The following EYS variants were observed in gnomAD, a reference collection of about 807,000 sequenced individuals.
EYS encodes protein eyes shut homolog.
EYS carries 250 observed loss-of-function variants against 282.1 expected under a neutral mutation model. That is an observed-to-expected ratio of 0.89 (90% confidence interval 0.80 to 0.98). The LOEUF (loss-of-function observed/expected upper bound fraction) is 0.98. Ranked by LOEUF, EYS falls within the 50% of genes least tolerant of loss-of-function variation. EYS has a pLI of 0.00. For missense variants in EYS, 4,016 were observed against 3,709.0 expected (o/e 1.08, Z -2.15); for synonymous variants, 1,355 against 1,282.9 (o/e 1.06, Z -1.20).
At chr6:63,813,751 A>G (rs918306491) in intron 36 of EYS, among the ~76,000 whole-genome samples, 1 of 152,066 alleles carries the variant, frequency 6.6e-6, no homozygotes, top group Non-Finnish European at 1.5e-5. Context: ...TGAAAATCCA[A>G]TTCAGTTCTT....
At chr6:64,150,928 C>T (rs1167977399) in intron 31 of EYS, among the ~76,000 whole-genome samples, 1 of 152,086 alleles carries the variant, frequency 6.6e-6, no homozygotes, top group Non-Finnish European at 1.5e-5. Flanking sequence ...TTGTCATCTT[C>T]ATACTTTTTA....
chr6:64,128,326 CAT>C lies in EYS; in HGVS notation c.6425-46326_6425-46325del, dbSNP rs200226244. Among the ~76,000 whole-genome samples the C allele has an allele frequency of 7.3e-3, 1,106 of 152,232 alleles. 22 individuals carry two copies. Among genetic ancestry groups the C allele is most frequent in the African/African-American group, 0.024 (1,017 of 41,534 alleles). On this transcript the variant is annotated intron_variant, in intron 31 of 42. Transcript: ENST00000503581. ...ATGCTGTGAATATTTAGCCCTAAAG[CAT>C]ACCATGAACTTTCTAAAATGGAGCA...
At chr6:65,393,279 A>C (rs1766130345) in intron 7 of EYS, among the ~76,000 whole-genome samples, 1 of 152,194 alleles carries the variant, frequency 6.6e-6, no homozygotes, top group Non-Finnish European at 1.5e-5. Flanking sequence ...ATACGTAACT[A>C]ACCTGTACAT....
intron 11 of EYS, among the ~76,000 whole-genome samples, chr6:65,327,937 T>A (rs1769670083): frequency 6.6e-6 from 1 of 151,554 alleles, no homozygotes; most frequent in Non-Finnish European, 1.5e-5. Context: ...TGAAAAATAT[T>A]TATTGACTTA....
chr6:64,114,715 T>G (rs1773317463), intron 31 of EYS, among the ~76,000 whole-genome samples: 1 of 152,088 alleles, frequency 6.6e-6, no homozygotes, highest in Admixed American at 6.5e-5. Context: ...ATAGTAGGTG[T>G]GGATTTTCCA....
At position 65,565,244 on chromosome 6, in the gene EYS, CAAAAAAAAAAAAAAAA is replaced by C. The variant is rs765596305; in HGVS notation, c.-332-69267_-332-69252del. On this transcript the variant is annotated intron_variant, in intron 2 of 42. Coordinates refer to ENST00000503581, the MANE Select transcript of EYS (RefSeq NM_001142800.2). Reference sequence around the variant, plus strand: ...TGGGCGACAGAGCGAGACTCCGTCTCAAAAAAAAAAAAAAAAAAAAAAAAAAAAAAAAAGTGGGTGA... The same window carrying C: ...TGGGCGACAGAGCGAGACTCCGTCTCAAAAAAAAAAAAAAAAAGTGGGTGA... Among the ~76,000 whole-genome samples, 2 of 1,620 alleles carry C rather than the reference CAAAAAAAAAAAAAAAA, an allele frequency of 1.2e-3. 1 individual carries two copies. The highest frequency in any genetic ancestry group is 1.6e-3 in the Non-Finnish European group (2 of 1,282). The allele number at this position is 1,620 out of a possible 152,430, so 1.1% of individuals were successfully genotyped here. A position where few individuals can be genotyped will look rare whatever the true frequency, so the allele number is the denominator to read the frequency against.
intron 12 of EYS, among the ~76,000 whole-genome samples, chr6:65,148,634 G>T (rs1202896217): frequency 1.3e-5 from 2 of 152,040 alleles, no homozygotes; most frequent in Non-Finnish European, 2.9e-5. Flanking sequence ...GACCTCTTCT[G>T]ACAGCTCCAG....
intron 5 of EYS, among the ~76,000 whole-genome samples, chr6:65,417,572 T>C (rs1419823183): frequency 6.6e-6 from 1 of 152,084 alleles, no homozygotes; most frequent in Non-Finnish European, 1.5e-5. Context: ...TTGGGCTTTG[T>C]GGGCCATCAG....
chr6:64,961,333 C>T (rs1369626594), intron 14 of EYS, among the ~76,000 whole-genome samples: 4 of 152,010 alleles, frequency 2.6e-5, no homozygotes, highest in Non-Finnish European at 5.9e-5. Flanking sequence ...TTGTATGTAT[C>T]TGTTGTTGTA....
At chr6:64,761,661 T>C (rs1583127247) in intron 22 of EYS, among the ~76,000 whole-genome samples, 1 of 152,138 alleles carries the variant, frequency 6.6e-6, no homozygotes, top group Non-Finnish European at 1.5e-5. Flanking sequence ...TTCACCATGT[T>C]GGCCAGGATG....
chr6:64,576,436 C>T (rs1050674278), intron 26 of EYS, among the ~76,000 whole-genome samples: 3 of 152,004 alleles, frequency 2.0e-5, no homozygotes, highest in African/African-American at 7.2e-5. Flanking sequence ...GAGATTAAGA[C>T]AGGTTAATAT....
chr6:65,100,755 T>C (rs140101565), intron 12 of EYS, among the ~76,000 whole-genome samples: 169 of 150,066 alleles, frequency 1.1e-3, no homozygotes, highest in African/African-American at 3.8e-3. Context: ...AAATCAAAAC[T>C]GCCTCTATAA....
intron 22 of EYS, among the ~76,000 whole-genome samples, chr6:64,763,515 T>C (rs1023429644): frequency 3.3e-5 from 5 of 151,686 alleles, no homozygotes; most frequent in African/African-American, 1.2e-4. Flanking sequence ...ACCAAGTCCT[T>C]TCCCCAACAC....
chr6:64,540,475 A>ATTTTTTTTTTTTTTTTTTTTTTTTT, intron 26 of EYS, among the ~76,000 whole-genome samples: 1 of 83,496 alleles, frequency 1.2e-5, no homozygotes, highest in Non-Finnish European at 2.3e-5. Flanking sequence ...CCAAGTACAG[A>ATTTTTTTTTTTTTTTTTTTTTTTTT]TTTTTTTTTT....
intron 22 of EYS, among the ~76,000 whole-genome samples, chr6:64,753,227 G>A (rs1435639090): frequency 1.3e-5 from 2 of 151,962 alleles, no homozygotes; most frequent in African/African-American, 4.8e-5. Flanking sequence ...ACTATGACAG[G>A]AACAGACTCA....
chr6:65,025,932 A>T (rs1170903710), intron 13 of EYS, among the ~76,000 whole-genome samples: 1 of 152,220 alleles, frequency 6.6e-6, no homozygotes. Context: ...TGAGTCACTC[A>T]TACAAGAGCT....
At chr6:64,117,980 A>G (rs116780152) in intron 31 of EYS, among the ~76,000 whole-genome samples, 2,933 of 152,162 alleles carry the variant, frequency 0.019, 82 homozygotes, top group African/African-American at 0.066. Flanking sequence ...ACCAAATTTA[A>G]GCAAGAAAGT....
At chr6:64,691,232 G>A (rs957321417) in intron 22 of EYS, among the ~76,000 whole-genome samples, 1 of 152,026 alleles carries the variant, frequency 6.6e-6, no homozygotes, top group Non-Finnish European at 1.5e-5. Context: ...CAGTCTTTAA[G>A]GTCACGAACA....
chr6:64,124,807 A>G (rs1361537987), intron 31 of EYS, among the ~76,000 whole-genome samples: 2 of 152,234 alleles, frequency 1.3e-5, no homozygotes, highest in Non-Finnish European at 2.9e-5. Flanking sequence ...TCAAGTCAGC[A>G]TGACATTATC....
Sources: allele counts gnomAD v4.1 joint callset (sites outside exome capture counted in the v4.1 genomes callset), GRCh38; gene constraint gnomAD v4.1.1; transcripts MANE v1.5; gene names NCBI Gene and HGNC (gene_info 2026-07-23, HGNC 2026-07-21).